GRK6: variants seen among roughly 807,000 people sequenced by gnomAD.
GRK6 encodes the protein G protein-coupled receptor kinase 6.
In GRK6, 37 loss-of-function variants were observed where a neutral mutation model predicts 80.8. The observed-to-expected ratio is 0.46, with a 90% confidence interval of 0.35 to 0.60. The LOEUF is 0.60. GRK6 is among the 20% of genes least tolerant of loss of function. The pLI, the probability that GRK6 is intolerant of heterozygous loss-of-function variation, is 0.00. For synonymous variants in GRK6, 295 were observed against 320.9 expected (o/e 0.92, Z 0.86); for missense variants, 560 against 784.6 (o/e 0.71, Z 3.42).
upstream of GRK6, among the ~76,000 whole-genome samples, chr5:177,425,663 C>T (rs1225796400): frequency 1.3e-5 from 2 of 152,224 alleles, no homozygotes; most frequent in Non-Finnish European, 2.9e-5. Flanking sequence ...TGGTGCCTGG[C>T]ACAGAGGTGT....
In GRK6 at chr5:177,434,059, T is replaced by C; in HGVS notation, c.884T>C (p.Ile295Thr). The change falls in exon 9 of 16, where the codon ATC becomes ACC. Residue 295 changes from isoleucine to threonine, a missense_variant. Transcript: ENST00000355472. Reference sequence around the variant, plus strand: ...CGGGCCGTCTTCTACGCCGCCGAGATCTGCTGTGGCCTGGAGGACCTGCAC... The same window carrying C: ...CGGGCCGTCTTCTACGCCGCCGAGACCTGCTGTGGCCTGGAGGACCTGCAC... The part of the protein sequence containing the change: ...EARAVFYAAE[I>T]CCGLEDLHRE... 6.2e-7 allele frequency: 1 copy of C among 1,607,724 alleles called. No individual in the cohort carries two copies. The highest frequency in any genetic ancestry group is 8.5e-7 in the Non-Finnish European group (1 of 1,177,812).
intron 11 of GRK6, among the ~76,000 whole-genome samples, chr5:177,435,783 T>G (rs1356226427): frequency 2.0e-5 from 3 of 152,258 alleles, no homozygotes; most frequent in African/African-American, 7.2e-5. Context: ...CAATTTGGCC[T>G]ACATTTGTGT....
Position 177,430,945 on chromosome 5 carries a change from C to T in GRK6, c.126C>T (p.Cys42=), listed in dbSNP as rs1485557626. The change falls in exon 2 of 16, where the codon TGC becomes TGT. Residue 42 remains cysteine (C), a synonymous_variant. Transcript: ENST00000355472. ...QMLQFPHISQ[C]EELRLSLERD... Reference sequence around the variant, plus strand: ...TCCAGTTCCCTCACATCAGCCAGTGCGAAGAGCTGCGGCTCAGCCTCGGTG... The same window carrying T: ...TCCAGTTCCCTCACATCAGCCAGTGTGAAGAGCTGCGGCTCAGCCTCGGTG... 1.6e-5 allele frequency: 26 copies of T among 1,613,600 alleles called. No individual in the cohort carries two copies. The highest frequency in any genetic ancestry group is 3.3e-4 in the Middle Eastern group (2 of 6,080).
chr5:177,427,872 A>G (rs1361977068), intron 1 of GRK6, among the ~76,000 whole-genome samples: 1 of 152,118 alleles, frequency 6.6e-6, no homozygotes, highest in Non-Finnish European at 1.5e-5. Context: ...CATCTGCTTC[A>G]CCTTTCTACC....
chr5:177,431,609 C>A, intron 2 of GRK6: 1 of 266,824 alleles, frequency 3.7e-6, no homozygotes, highest in South Asian at 3.6e-5. Context: ...CTTCCTCTCG[C>A]ACTTTCGCCA....
At position 177,432,687 on chromosome 5, in the gene GRK6, G is replaced by C; in HGVS notation, c.340-19G>C. The C allele has an allele frequency of 1.3e-6, 2 of 1,555,642 alleles. No homozygotes were observed. The highest frequency in any genetic ancestry group is 1.8e-6 in the Non-Finnish European group (2 of 1,138,670). The stretch of plus-strand genomic sequence containing the variant: ...TCCAAGGGAGCCCCTGCACTGACCT[G>C]TCTGGGGCTTGTTCCCAGGGTCCTG... On this transcript the variant is annotated intron_variant, in intron 4 of 15. Coordinates refer to ENST00000355472, the MANE Select transcript of GRK6 (RefSeq NM_001004106.3).
intron 4 of GRK6, 90 bp downstream of exon 4, chr5:177,432,400 G>A (rs145446837): frequency 1.6e-6 from 2 of 1,287,356 alleles, no homozygotes; most frequent in East Asian, 4.6e-5. Flanking sequence ...TCTGAGGGTG[G>A]TCTCTTCATA....
Position 177,440,978 on chromosome 5 carries a change from C to T in GRK6, c.1602C>T (p.Pro534=). Residue 534 remains proline, a synonymous_variant, in exon 15 of 16, where the codon CCC becomes CCT. Transcript: ENST00000355472. Reference sequence around the variant, plus strand: ...TCTTTGGGCTGGATGGCTCAGTTCCCCCAGACCTGGACTGGAAGGGCCAGC... The same window carrying T: ...TCTTTGGGCTGGATGGCTCAGTTCCTCCAGACCTGGACTGGAAGGGCCAGC... ...LNVFGLDGSV[P]PDLDWKGQPP... 6.2e-7 allele frequency: 1 copy of T among 1,614,012 alleles called. No homozygotes were observed. Among genetic ancestry groups the T allele is most frequent in the Non-Finnish European group, 8.5e-7 (1 of 1,179,980 alleles).
chr5:177,433,378 T>C lies in GRK6; in HGVS notation c.565T>C (p.Tyr189His). Residue 189 changes from tyrosine to histidine, a missense_variant, in exon 7 of 16, where the codon TAC becomes CAC. Physicochemically the swap from Tyr to His is moderately conservative, Grantham distance 83 (BLOSUM62 2). Transcript: ENST00000355472. The stretch of plus-strand genomic sequence containing the variant: ...AGTGACCAAAAACACCTTCAGGCAA[T>C]ACCGAGTCCTGGGCAAAGGTGGCTT... ...QPVTKNTFRQ[Y>H]RVLGKGGFGE... is the part of the protein sequence containing the mutation. 1 of 1,613,820 alleles carries C rather than the reference T, an allele frequency of 6.2e-7. No individual in the cohort carries two copies. The highest frequency in any genetic ancestry group is 8.5e-7 in the Non-Finnish European group (1 of 1,179,868).
chr5:177,432,309 C>A lies in GRK6; in HGVS notation c.338C>A (p.Thr113Lys), dbSNP rs149694282. 1.2e-5 allele frequency: 20 copies of A among 1,612,288 alleles called. No individual in the cohort carries two copies. In the East Asian group the frequency reaches 4.5e-4, roughly 36 times the overall value. Residue 113 changes from threonine to lysine, a missense_variant and splice_region_variant, in exon 4 of 16, where the codon ACG becomes AAG. Physicochemically the swap from Thr to Lys is moderately conservative, Grantham distance 78 (BLOSUM62 -1). Transcript: ENST00000355472. ...RQLTQNFLSHTGPDLIPEVPR... is the reference protein window; with the variant it reads ...RQLTQNFLSHKGPDLIPEVPR... ...CTAACGCAGAATTTTCTGAGCCACACGGTGAGTGAGCAGCGATGGAGAGAT... is the reference window on the plus strand; with the variant it reads ...CTAACGCAGAATTTTCTGAGCCACAAGGTGAGTGAGCAGCGATGGAGAGAT...
At position 177,436,174 on chromosome 5, in the gene GRK6, C is replaced by A; in HGVS notation, c.1159C>A (p.Gln387Lys). 1.2e-6 allele frequency: 2 copies of A among 1,614,174 alleles called. No individual in the cohort carries two copies. Among genetic ancestry groups the A allele is most frequent in the Non-Finnish European group, 1.7e-6 (2 of 1,180,012 alleles). Residue 387 changes from glutamine to lysine, a missense_variant, in exon 12 of 16, where the codon CAG becomes AAG. This residue lies in a region of GRK6 where 294 missense variants were observed against 397.4 expected (regional missense o/e 0.74). Coordinates refer to ENST00000355472, the MANE Select transcript of GRK6 (RefSeq NM_001004106.3). ...EMIAGQSPFQ[Q>K]RKKKIKREEV... ...GATCGCAGGCCAGTCGCCCTTCCAGCAGAGGAAGAAGAAGATCAAGCGGGA... is the reference window on the plus strand; with the variant it reads ...GATCGCAGGCCAGTCGCCCTTCCAGAAGAGGAAGAAGAAGATCAAGCGGGA...
rs376989914 is a variant in GRK6, at chr5:177,432,135, C to A, written c.261+28C>A. On this transcript the variant is annotated intron_variant, in intron 3 of 15. Coordinates refer to ENST00000355472, the MANE Select transcript of GRK6 (RefSeq NM_001004106.3). The stretch of plus-strand genomic sequence containing the variant: ...GAGTGCAGCCCAGCCCTGCCCAGCC[C>A]CGCGGGTGGCCGAGGTCCTGGCCCC... 1.2e-4 allele frequency: 189 copies of A among 1,608,666 alleles called. 1 individual carries two copies. In the Middle Eastern group the frequency reaches 6.5e-3, roughly 55 times the overall value.
intron 4 of GRK6, 63 bp downstream of exon 4, chr5:177,432,373 G>C: frequency 6.8e-7 from 1 of 1,481,362 alleles, no homozygotes; most frequent in Non-Finnish European, 9.4e-7. Flanking sequence ...GCACAGGAGT[G>C]ACCACAGTGT....
intron 13 of GRK6, 44 bp downstream of exon 13, chr5:177,436,574 C>G: frequency 6.6e-7 from 1 of 1,518,906 alleles, no homozygotes; most frequent in East Asian, 2.3e-5. Context: ...CCAGCCAGGG[C>G]TGGGGCTCAG....
chr5:177,432,622 C>A lies in GRK6; in HGVS notation c.340-84C>A, dbSNP rs1045719408. ...GCCTGCAGCCTCTCATGGCACCAGC[C>A]CGAGTTGCCTGACCCCTCTCCCCTG... On this transcript the variant is annotated intron_variant, in intron 4 of 15. Transcript: ENST00000355472. 12 of 968,544 alleles carry A rather than the reference C, an allele frequency of 1.2e-5. No individual in the cohort carries two copies. In the Admixed American group the frequency reaches 3.1e-4, roughly 25 times the overall value. The allele number at this position is 968,544 out of a possible 1,614,324, so 60.0% of individuals were successfully genotyped here.
intron 11 of GRK6, among the ~76,000 whole-genome samples, chr5:177,435,381 G>C (rs182127610): frequency 6.6e-6 from 1 of 152,372 alleles, no homozygotes; most frequent in Non-Finnish European, 1.5e-5. Context: ...GGGGGATGGA[G>C]GAGAGAGACC....
chr5:177,432,653 G>A, intron 4 of GRK6, 53 bp from the exon 5 acceptor site: 1 of 1,259,592 alleles, frequency 7.9e-7, no homozygotes, highest in South Asian at 1.3e-5. Context: ...CCCTGGAAGT[G>A]GGCAGCCATC....
In GRK6 at chr5:177,441,043, TC is replaced by T. The variant is rs1764466334; in HGVS notation, c.1668del (p.Phe556LeufsTer34). On this transcript the variant is annotated frameshift_variant, in exon 15 of 16. Transcript: ENST00000355472. LOFTEE classifies it high-confidence loss of function. ...AAAAAGGGACTGCTGCAGAGACTCTTCAGTCGCCAAGTAAGCCCCAGCAGCG... is the reference window on the plus strand; with the variant it reads ...AAAAAGGGACTGCTGCAGAGACTCTTAGTCGCCAAGTAAGCCCCAGCAGCG... ...PPKKGLLQRL[F>X]SRQDCCGNCS... The T allele has an allele frequency of 6.2e-7, 1 of 1,613,856 alleles. No homozygotes were observed. The highest frequency in any genetic ancestry group is 8.5e-7 in the Non-Finnish European group (1 of 1,179,896).
chr5:177,438,250 C>T (rs1417648477), intron 13 of GRK6, among the ~76,000 whole-genome samples: 1 of 152,134 alleles, frequency 6.6e-6, no homozygotes, highest in African/African-American at 2.4e-5. Context: ...TGCCTGTAAT[C>T]CCAGCTACTC....
Sources: allele counts gnomAD v4.1 joint callset (sites outside exome capture counted in the v4.1 genomes callset), GRCh38; gene constraint gnomAD v4.1.1; regional missense constraint gnomAD v4.1.1; transcripts MANE v1.5; gene names NCBI Gene and HGNC (gene_info 2026-07-23, HGNC 2026-07-21).